Variants in FGF14 observed in about 807,000 individuals in gnomAD.
The protein encoded by FGF14 is fibroblast growth factor homologous factor 4.
Under a neutral mutation model 25.5 loss-of-function variants are expected in FGF14, and 5 were observed. The ratio of observed to expected loss-of-function variants is 0.20; its 90% CI spans 0.10 to 0.41. The LOEUF is 0.41. FGF14 is among the 10% of genes least tolerant of loss of function. The pLI is 1.00. For synonymous variants in FGF14, 138 were observed against 118.3 expected (o/e 1.17, Z -1.08); for missense variants, 222 against 320.1 (o/e 0.69, Z 2.34).
At chr13:101,914,287 T>C (rs954024392) in intron 1 of FGF14, among the ~76,000 whole-genome samples, 1 of 151,558 alleles carries the variant, frequency 6.6e-6, no homozygotes, top group Non-Finnish European at 1.5e-5. Flanking sequence ...AATATTTGTT[T>C]TGCTTAAAAT....
At chr13:102,398,599 T>C (rs2058633670) in intron 1 of FGF14, among the ~76,000 whole-genome samples, 1 of 152,142 alleles carries the variant, frequency 6.6e-6, no homozygotes, top group Non-Finnish European at 1.5e-5. Context: ...TAATAGGTAG[T>C]AGTCAATCTG....
chr13:101,717,590 T>C lies in FGF14; in HGVS notation c.*5241A>G, dbSNP rs1018673293. On this transcript the variant is annotated 3_prime_UTR_variant, in exon 5 of 5. Transcript: ENST00000376143. ...TACAAATGACCTTTGGATTTCTCTATCACGGCGCTTATCCTCCTATTAAGG... is the reference window on the plus strand; with the variant it reads ...TACAAATGACCTTTGGATTTCTCTACCACGGCGCTTATCCTCCTATTAAGG... 3.3e-5 allele frequency: 5 copies of C among 152,184 alleles called. No homozygotes were observed. The highest frequency in any genetic ancestry group is 1.2e-4 in the African/African-American group (5 of 41,448). 9.4% of individuals were successfully genotyped at this position (152,184 alleles called of 1,614,324 possible). A position where few individuals can be genotyped will look rare whatever the true frequency, so the allele number is the denominator to read the frequency against.
chr13:101,821,936 G>A (rs1248143586), intron 3 of FGF14, among the ~76,000 whole-genome samples: 1 of 152,152 alleles, frequency 6.6e-6, no homozygotes, highest in Admixed American at 6.5e-5. Context: ...TTCTTTGTCA[G>A]ATATAAGAAC....
intron 3 of FGF14, among the ~76,000 whole-genome samples, chr13:101,821,537 T>A (rs866355919): frequency 6.6e-6 from 1 of 152,224 alleles, no homozygotes; most frequent in African/African-American, 2.4e-5. Flanking sequence ...GAAACATTTG[T>A]CTCTCTTGAC....
chr13:101,896,249 T>G (rs1339170837), intron 1 of FGF14, among the ~76,000 whole-genome samples: 2 of 152,162 alleles, frequency 1.3e-5, no homozygotes, highest in Non-Finnish European at 1.5e-5. Flanking sequence ...ATCTTGCCTT[T>G]TTCTTGCCCC....
Position 102,159,139 on chromosome 13 carries a change from CA to C in FGF14, c.208+242331del, listed in dbSNP as rs1228096265. Among the ~76,000 whole-genome samples the C allele has an allele frequency of 6.3e-3, 470 of 74,132 alleles. 2 individuals carry two copies. The highest frequency in any genetic ancestry group is 0.016 in the African/African-American group (313 of 19,964). 48.6% of individuals were successfully genotyped at this position (74,132 alleles called of 152,430 possible). ...TGGGTAAGAGAGCCAGACTCTGTCT[CA>C]AAAAAAAAAAAAAAAAAGAAAAGAA... On this transcript the variant is annotated intron_variant, in intron 1 of 4. Transcript: ENST00000376131.
chr13:102,227,092 C>T (rs2050858436), intron 1 of FGF14, among the ~76,000 whole-genome samples: 1 of 152,074 alleles, frequency 6.6e-6, no homozygotes, highest in Non-Finnish European at 1.5e-5. Context: ...TTTTTCTTCC[C>T]AGTTTAATAT....
chr13:102,028,786 G>A (rs2139919578), intron 1 of FGF14, among the ~76,000 whole-genome samples: 1 of 151,984 alleles, frequency 6.6e-6, no homozygotes, highest in South Asian at 2.1e-4. Context: ...GATCAAATAA[G>A]GAAAAACTGG....
At chr13:102,017,900 T>A (rs2040430446) in intron 1 of FGF14, among the ~76,000 whole-genome samples, 1 of 152,130 alleles carries the variant, frequency 6.6e-6, no homozygotes, top group South Asian at 2.1e-4. Context: ...ATTCCGCTAC[T>A]CAGATCATCT....
intron 1 of FGF14, among the ~76,000 whole-genome samples, chr13:102,059,616 C>T (rs908001347): frequency 1.3e-5 from 2 of 151,770 alleles, no homozygotes; most frequent in African/African-American, 2.4e-5. Context: ...TTTGGGAGGC[C>T]GAGGCGGGTG....
chr13:102,282,866 A>C (rs1486828795), intron 1 of FGF14, among the ~76,000 whole-genome samples: 1 of 152,152 alleles, frequency 6.6e-6, no homozygotes, highest in Non-Finnish European at 1.5e-5. Context: ...AAAAAAAAAA[A>C]AAACCTCTCT....
At chr13:101,931,116 C>T (rs934928181) in intron 1 of FGF14, among the ~76,000 whole-genome samples, 3 of 152,144 alleles carry the variant, frequency 2.0e-5, no homozygotes, top group African/African-American at 7.2e-5. Flanking sequence ...TATGACAAAA[C>T]CTACCCTATT....
intron 1 of FGF14, among the ~76,000 whole-genome samples, chr13:102,134,492 T>C (rs545589335): frequency 5.9e-5 from 9 of 152,360 alleles, no homozygotes; most frequent in African/African-American, 1.7e-4. Context: ...ATGAAAGTAA[T>C]GATGGGCATC....
At chr13:102,236,336 A>C (rs2051326967) in intron 1 of FGF14, among the ~76,000 whole-genome samples, 1 of 152,152 alleles carries the variant, frequency 6.6e-6, no homozygotes, top group South Asian at 2.1e-4. Flanking sequence ...AACAGGAAAA[A>C]ATGATTAAGA....
rs1484375875 is a variant in FGF14 at position 101,812,628 on chromosome 13, TATATATATATATATATATATATATA to T, written c.408+56072_408+56096del. 2.3e-3 allele frequency among the ~76,000 whole-genome samples: 24 copies of T among 10,236 alleles called. No individual in the cohort carries two copies. In the East Asian group the frequency reaches 0.026, roughly 11 times the overall value. The allele number at this position is 10,236 out of a possible 152,430, so 6.7% of individuals were successfully genotyped here. ...TTTTAAAACTATATATATATATATA[TATATATATATATATATATATATATA>T]TTTTTTTTTTTTTTTTTTTTTTTTT... On this transcript the variant is annotated intron_variant, in intron 3 of 4. Coordinates refer to ENST00000376143, the MANE Select transcript of FGF14 (RefSeq NM_004115.4).
intron 1 of FGF14, among the ~76,000 whole-genome samples, chr13:101,936,468 T>A (rs1233247324): frequency 6.6e-6 from 1 of 152,196 alleles, no homozygotes; most frequent in Non-Finnish European, 1.5e-5. Flanking sequence ...GTTGCCAGTA[T>A]CAGCCTTCCA....
At chr13:101,780,306 T>G (rs2039411106) in intron 3 of FGF14, among the ~76,000 whole-genome samples, 1 of 152,182 alleles carries the variant, frequency 6.6e-6, no homozygotes, top group Admixed American at 6.5e-5. Context: ...CTACCCTCTA[T>G]CTTTTGAAGG....
intron 3 of FGF14, among the ~76,000 whole-genome samples, chr13:101,755,987 T>C (rs2037621081): frequency 2.6e-5 from 4 of 152,100 alleles, no homozygotes; most frequent in South Asian, 4.1e-4. Context: ...ACAAGAGAGA[T>C]TGTAAAAGTT....
chr13:102,375,298 C>T (rs2058013054), intron 1 of FGF14, among the ~76,000 whole-genome samples: 1 of 152,112 alleles, frequency 6.6e-6, no homozygotes, highest in Admixed American at 6.6e-5. Context: ...TCAGCTAGAG[C>T]CAAGATTAAG....
Sources: allele counts gnomAD v4.1 joint callset (sites outside exome capture counted in the v4.1 genomes callset), GRCh38; gene constraint gnomAD v4.1.1; transcripts MANE v1.5; gene names NCBI Gene and HGNC (gene_info 2026-07-23, HGNC 2026-07-21).